The following SYT1 variants were observed in gnomAD, a reference collection of about 807,000 sequenced individuals.
SYT1 encodes synaptotagmin-1.
In SYT1, 8 loss-of-function variants were observed where a neutral mutation model predicts 44.8. The observed-to-expected ratio is 0.18, with a 90% CI of 0.10 to 0.32. The LOEUF (loss-of-function observed/expected upper bound fraction) is 0.32. Among genes scored for constraint, SYT1 ranks in the 10% least tolerant of loss-of-function variants. The pLI, the probability that SYT1 is intolerant of heterozygous loss-of-function variation, is 1.00. For synonymous variants in SYT1, 154 were observed against 188.8 expected (o/e 0.82, Z 1.51); for missense variants, 286 against 509.3 (o/e 0.56, Z 4.22).
In SYT1 at chr12:79,217,705, A is replaced by C. The variant is rs1874900825; in HGVS notation, c.166+20A>C. On this transcript the variant is annotated intron_variant, in intron 4 of 10. Transcript: ENST00000261205. ...TTCCATGTGAGTATTCTATATTAGT[A>C]CTTGAGTAAAAATAAGTGGTTGAAA... is the stretch of plus-strand genomic sequence containing the variant. The C allele has an allele frequency of 1.3e-6, 2 of 1,582,008 alleles. No homozygotes were observed. Among genetic ancestry groups the C allele is most frequent in the African/African-American group, 2.7e-5 (2 of 73,324 alleles).
intron 9 of SYT1, 101 bp downstream of exon 9, chr12:79,353,720 C>A: frequency 1.2e-6 from 1 of 867,158 alleles, no homozygotes; most frequent in Non-Finnish European, 2.0e-6. Context: ...TAATTGATCA[C>A]AGTTCTCTTT....
intron 3 of SYT1, among the ~76,000 whole-genome samples, chr12:79,187,469 A>G (rs1872869752): frequency 1.3e-5 from 2 of 152,098 alleles, no homozygotes. Flanking sequence ...GCAACAGCTG[A>G]CAAGCACCTG....
chr12:78,921,074 C>A (rs1476269516), intron 1 of SYT1, among the ~76,000 whole-genome samples: 1 of 151,682 alleles, frequency 6.6e-6, no homozygotes. Flanking sequence ...CCACCATGAC[C>A]ACCAAATAAC....
intron 9 of SYT1, among the ~76,000 whole-genome samples, chr12:79,391,189 T>TG (rs943812867): frequency 2.7e-4 from 41 of 152,278 alleles, no homozygotes; most frequent in Admixed American, 1.6e-3. Flanking sequence ...TTAGAAGTTC[T>TG]GGGGGGCATT....
At chr12:79,372,560 A>G (rs1419827612) in intron 9 of SYT1, among the ~76,000 whole-genome samples, 1 of 152,198 alleles carries the variant, frequency 6.6e-6, no homozygotes, top group Admixed American at 6.5e-5. Flanking sequence ...CTGAGGCCAT[A>G]AGGGTAGACA....
At chr12:79,286,071 C>T (rs1342808725) in intron 5 of SYT1, 100 bp downstream of exon 5, 2 of 1,327,588 alleles carry the variant, frequency 1.5e-6, no homozygotes, top group Non-Finnish European at 2.0e-6. Context: ...AACTTCTGGA[C>T]CCATATCGTT....
chr12:78,932,298 G>A (rs939390222), intron 1 of SYT1, among the ~76,000 whole-genome samples: 1 of 152,190 alleles, frequency 6.6e-6, no homozygotes, highest in Non-Finnish European at 1.5e-5. Context: ...TAGTGGTGAT[G>A]AGGGAGACAT....
At chr12:79,428,167 A>G (rs1256755797) in intron 9 of SYT1, among the ~76,000 whole-genome samples, 2 of 152,204 alleles carry the variant, frequency 1.3e-5, no homozygotes, top group Non-Finnish European at 2.9e-5. Flanking sequence ...GAAAGACTGG[A>G]TGGTACAGTG....
At chr12:79,364,632 G>A (rs890066959) in intron 9 of SYT1, among the ~76,000 whole-genome samples, 11 of 152,114 alleles carry the variant, frequency 7.2e-5, no homozygotes, top group Admixed American at 2.6e-4. Context: ...AAAGAATTAA[G>A]CGCATTTATT....
chr12:79,100,385 G>A (rs1167465980), intron 3 of SYT1, among the ~76,000 whole-genome samples: 1 of 152,068 alleles, frequency 6.6e-6, no homozygotes, highest in Non-Finnish European at 1.5e-5. Context: ...GTGAAAACTG[G>A]TCTGCTAAGA....
At chr12:79,298,124 G>A (rs893273906) in intron 7 of SYT1, among the ~76,000 whole-genome samples, 2 of 152,058 alleles carry the variant, frequency 1.3e-5, no homozygotes, top group African/African-American at 4.8e-5. Flanking sequence ...CCCAAGTCCA[G>A]GTTTTTGACT....
At chr12:79,256,058 T>C (rs1313108444) in intron 4 of SYT1, among the ~76,000 whole-genome samples, 1 of 152,210 alleles carries the variant, frequency 6.6e-6, no homozygotes, top group Non-Finnish European at 1.5e-5. Flanking sequence ...TTACGTGTTC[T>C]AAGGTGAGAG....
At chr12:79,378,910 C>T (rs970930385) in intron 9 of SYT1, among the ~76,000 whole-genome samples, 5 of 152,126 alleles carry the variant, frequency 3.3e-5, no homozygotes, top group Non-Finnish European at 1.5e-5. Context: ...GCATACAGAA[C>T]TTAGGAAATT....
At chr12:79,316,409 G>C (rs907063669) in intron 8 of SYT1, among the ~76,000 whole-genome samples, 1 of 152,092 alleles carries the variant, frequency 6.6e-6, no homozygotes, top group African/African-American at 2.4e-5. Flanking sequence ...GTGGACTTTT[G>C]GGTTACTTCC....
At chr12:79,248,246 G>C (rs1335256319) in intron 4 of SYT1, among the ~76,000 whole-genome samples, 1 of 152,162 alleles carries the variant, frequency 6.6e-6, no homozygotes, top group Non-Finnish European at 1.5e-5. Context: ...GGATTTAATA[G>C]TAAGTGAGAT....
intron 4 of SYT1, among the ~76,000 whole-genome samples, chr12:79,278,633 A>G (rs1462259644): frequency 6.6e-6 from 1 of 152,052 alleles, no homozygotes; most frequent in Admixed American, 6.6e-5. Flanking sequence ...ACCAAACCCA[A>G]ACCTAGCAGA....
intron 4 of SYT1, among the ~76,000 whole-genome samples, chr12:79,248,767 G>A (rs936618742): frequency 3.9e-5 from 6 of 152,338 alleles, no homozygotes; most frequent in African/African-American, 1.4e-4. Context: ...TGGGCCAAAA[G>A]TTTAAGTCAG....
At chr12:79,134,770 A>C (rs1199675290) in intron 3 of SYT1, among the ~76,000 whole-genome samples, 2 of 152,106 alleles carry the variant, frequency 1.3e-5, no homozygotes, top group Non-Finnish European at 2.9e-5. Flanking sequence ...GCTGGGCATT[A>C]TGAGAAGTTT....
chr12:79,080,754 C>G (rs555267388), intron 3 of SYT1, among the ~76,000 whole-genome samples: 1 of 152,298 alleles, frequency 6.6e-6, no homozygotes, highest in East Asian at 1.9e-4. Flanking sequence ...CACAAGCCAT[C>G]TACTTGGATA....
Sources: allele counts gnomAD v4.1 joint callset (sites outside exome capture counted in the v4.1 genomes callset), GRCh38; gene constraint gnomAD v4.1.1; transcripts MANE v1.5; gene names NCBI Gene and HGNC (gene_info 2026-07-23, HGNC 2026-07-21).